The following ZNF429 variants were observed in gnomAD, a reference collection of about 807,000 sequenced individuals.
The protein encoded by ZNF429 is zinc finger protein 429.
In ZNF429, 53 loss-of-function variants were observed where a neutral mutation model predicts 56.8. The ratio of observed to expected loss-of-function variants is 0.93; its 90% CI spans 0.75 to 1.17. The LOEUF is 1.17. ZNF429 is among the 50% of genes most tolerant of loss of function. The pLI is 0.00. For synonymous variants in ZNF429, 278 were observed against 264.7 expected, an observed-to-expected ratio of 1.05 and a Z score of -0.49; for missense variants, 849 against 788.4, an observed-to-expected ratio of 1.08 and a Z score of -0.92.
chr19:21,535,382 TTA>T, intron 3 of ZNF429, among the ~76,000 whole-genome samples: 6 of 39,072 alleles, frequency 1.5e-4, no homozygotes, highest in African/African-American at 4.4e-4. Context: ...TCTTTCTTTT[TTA>T]CTTTCTTTCT....
In ZNF429 at chr19:21,538,122, A is replaced by AC; in HGVS notation, c.*44_*45insC. 1 of 821,622 alleles carries AC rather than the reference A, an allele frequency of 1.2e-6. No individual in the cohort carries two copies. Among genetic ancestry groups the AC allele is most frequent in the East Asian group, 2.8e-5 (1 of 35,602 alleles). The allele number at this position is 821,622 out of a possible 1,614,324, so 50.9% of individuals were successfully genotyped here. A position where few individuals can be genotyped will look rare whatever the true frequency, so the allele number is the denominator to read the frequency against. On this transcript the variant is annotated 3_prime_UTR_variant, in exon 4 of 4. Transcript: ENST00000358491. The stretch of plus-strand genomic sequence containing the variant: ...CTACTAAAAATACAAAAAAAAAAAA[A>AC]AAAAAAATTAGCCAGGCGTGGTGGT...
intron 2 of ZNF429, 38 bp from the exon 3 acceptor site, chr19:21,530,551 A>G: frequency 6.8e-7 from 1 of 1,480,290 alleles, no homozygotes; most frequent in Non-Finnish European, 9.2e-7. Context: ...ATTACAGAAT[A>G]TAAGCAAGAT....
At position 21,528,653 on chromosome 19, in the gene ZNF429, C is replaced by T. The variant is rs190320264; in HGVS notation, c.4-1005C>T. ...CCAGGAGGTGGAGGTTGCAGTGAGC[C>T]GAAATTGTGCCATTCCACTCCAGCC... On this transcript the variant is annotated intron_variant, in intron 1 of 3. Transcript: ENST00000358491. Among the ~76,000 whole-genome samples, 61 of 151,568 alleles carry T rather than the reference C, an allele frequency of 4.0e-4. No homozygotes were observed. The East Asian group carries it at 7.7e-3, about 19-fold the overall frequency.
intron 3 of ZNF429, among the ~76,000 whole-genome samples, chr19:21,535,449 TTTCTTTCTTTCTTTCTTTCTTTC>T: frequency 9.7e-6 from 1 of 102,622 alleles, no homozygotes; most frequent in African/African-American, 4.6e-5. Context: ...TCTTTCTTTC[TTTCTTTCTTTCTTTCTTTCTTTC>T]TTTCTTTCTT....
intron 1 of ZNF429, among the ~76,000 whole-genome samples, chr19:21,509,554 A>C (rs1256311642): frequency 1.3e-5 from 2 of 152,194 alleles, no homozygotes; most frequent in Non-Finnish European, 2.9e-5. Context: ...AAGGTTATTT[A>C]AGATCCAGTT....
At chr19:21,510,296 G>T (rs1343321752) in intron 1 of ZNF429, among the ~76,000 whole-genome samples, 1 of 152,122 alleles carries the variant, frequency 6.6e-6, no homozygotes, top group African/African-American at 2.4e-5. Context: ...GAAGTAGAAT[G>T]GGGTTGTATG....
intron 1 of ZNF429, among the ~76,000 whole-genome samples, chr19:21,527,252 G>C (rs749623028): frequency 6.6e-6 from 1 of 152,010 alleles, no homozygotes; most frequent in Non-Finnish European, 1.5e-5. Flanking sequence ...TGTAGAATGG[G>C]GTCAAAATTA....
At chr19:21,535,416 CTTTCTTTCTTTCTTTCTTTCTT>C in intron 3 of ZNF429, among the ~76,000 whole-genome samples, 1 of 7,904 alleles carries the variant, frequency 1.3e-4, no homozygotes, top group African/African-American at 3.2e-4. Flanking sequence ...TTTTTCTTTT[CTTTCTTTCTTTCTTTCTTTCTT>C]TCTTTCTTTC....
chr19:21,536,834 G>C lies in ZNF429; in HGVS notation c.781G>C (p.Glu261Gln), dbSNP rs757333207. ...TGGAGAGAAACCCTACAAATGTAAA[G>C]AATGTGGCAAAGCCTTTAGCAGGTA... ...HTGEKPYKCK[E>Q]CGKAFSRYST... Residue 261 changes from glutamate to glutamine, a missense_variant, in exon 4 of 4, where the codon GAA becomes CAA. Glu to Gln is a conservative substitution (Grantham distance 29, BLOSUM62 2). Transcript: ENST00000358491. 1 of 1,613,740 alleles carries C rather than the reference G, an allele frequency of 6.2e-7. No homozygotes were observed. The highest frequency in any genetic ancestry group is 8.5e-7 in the Non-Finnish European group (1 of 1,179,926).
At chr19:21,512,282 G>C (rs950600614) in intron 1 of ZNF429, among the ~76,000 whole-genome samples, 1 of 152,086 alleles carries the variant, frequency 6.6e-6, no homozygotes, top group African/African-American at 2.4e-5. Context: ...TCTTGGTTTT[G>C]GTGGGTTTTA....
rs190320264 is a variant in ZNF429 at position 21,528,653 on chromosome 19, C to G, written c.4-1005C>G. Reference sequence around the variant, plus strand: ...CCAGGAGGTGGAGGTTGCAGTGAGCCGAAATTGTGCCATTCCACTCCAGCC... The same window carrying G: ...CCAGGAGGTGGAGGTTGCAGTGAGCGGAAATTGTGCCATTCCACTCCAGCC... On this transcript the variant is annotated intron_variant, in intron 1 of 3. Coordinates refer to ENST00000358491, the MANE Select transcript of ZNF429 (RefSeq NM_001001415.4). Among the ~76,000 whole-genome samples the G allele has an allele frequency of 4.0e-5, 6 of 151,450 alleles. No individual in the cohort carries two copies. The East Asian group carries it at 1.2e-3, about 29-fold the overall frequency.
At chr19:21,531,159 A>G in intron 3 of ZNF429, among the ~76,000 whole-genome samples, 1 of 151,118 alleles carries the variant, frequency 6.6e-6, no homozygotes, top group Admixed American at 6.6e-5. Context: ...CGTCTTGGTG[A>G]CTGCCCTACA....
At chr19:21,529,807 A>G in intron 2 of ZNF429, 23 bp downstream of exon 2, 1 of 1,405,702 alleles carries the variant, frequency 7.1e-7, no homozygotes, top group Non-Finnish European at 9.8e-7. Context: ...TCAATACAAC[A>G]TTCCTAATAT....
At position 21,538,099 on chromosome 19, in the gene ZNF429, ACT is replaced by A; in HGVS notation, c.*22_*23del. ...GCTAACATGGTGAAACCCCGTCTCT[ACT>A]AAAAATACAAAAAAAAAAAAAAAAA... On this transcript the variant is annotated 3_prime_UTR_variant, in exon 4 of 4. Transcript: ENST00000358491. The A allele has an allele frequency of 2.4e-6, 2 of 838,418 alleles. No homozygotes were observed. The highest frequency in any genetic ancestry group is 3.4e-6 in the Non-Finnish European group (2 of 591,416). The allele number at this position is 838,418 out of a possible 1,614,324, so 51.9% of individuals were successfully genotyped here. A position where few individuals can be genotyped will look rare whatever the true frequency, so the allele number is the denominator to read the frequency against.
Position 21,530,678 on chromosome 19 carries a change from C to A in ZNF429, c.220C>A (p.Pro74Thr), listed in dbSNP as rs532407132. 4 of 1,606,196 alleles carry A rather than the reference C, an allele frequency of 2.5e-6. No individual in the cohort carries two copies. The South Asian group carries it at 4.4e-5, about 18-fold the overall frequency. ...GAAGCGACATGAAATGGTGGATGAACCCCCAGGTAGGTGAGAGTGAACACA... is the reference window on the plus strand; with the variant it reads ...GAAGCGACATGAAATGGTGGATGAAACCCCAGGTAGGTGAGAGTGAACACA... ...KMKRHEMVDE[P>T]PVVCSHFAED... The change falls in exon 3 of 4, where the codon CCC becomes ACC. Residue 74 changes from proline to threonine, a missense_variant. Transcript: ENST00000358491.
intron 3 of ZNF429, among the ~76,000 whole-genome samples, chr19:21,531,969 G>A: frequency 1.1e-4 from 16 of 149,834 alleles, no homozygotes; most frequent in African/African-American, 3.9e-4. Flanking sequence ...TAACATACAA[G>A]TATAAGTTAT....
chr19:21,530,206 A>G, intron 2 of ZNF429, among the ~76,000 whole-genome samples: 1 of 151,956 alleles, frequency 6.6e-6, no homozygotes, highest in Non-Finnish European at 1.5e-5. Context: ...AAAAAAAAAA[A>G]AAGTTTGGGG....
At chr19:21,517,488 TTAG>T (rs1351370304) in intron 1 of ZNF429, among the ~76,000 whole-genome samples, 7 of 74,650 alleles carry the variant, frequency 9.4e-5, no homozygotes, top group Non-Finnish European at 5.8e-5. Flanking sequence ...CTCAATTTTT[TTAG>T]TAGTTTTAGA....
chr19:21,506,767 G>GTTTTTTTTT (rs60650857), intron 1 of ZNF429, among the ~76,000 whole-genome samples: 7 of 111,778 alleles, frequency 6.3e-5, no homozygotes, highest in East Asian at 5.2e-4. Context: ...TTAGTTTTTT[G>GTTTTTTTTT]TTTTTTTTTT....
Sources: allele counts gnomAD v4.1 joint callset (sites outside exome capture counted in the v4.1 genomes callset), GRCh38; gene constraint gnomAD v4.1.1; transcripts MANE v1.5; gene names NCBI Gene and HGNC (gene_info 2026-07-23, HGNC 2026-07-21).